The following ARHGAP21 variants were observed in gnomAD, a reference collection of about 807,000 sequenced individuals.
ARHGAP21 encodes rho GTPase-activating protein 21.
A neutral mutation model predicts 164.6 loss-of-function variants in ARHGAP21; 38 were observed. The observed-to-expected ratio is 0.23, with a 90% CI of 0.18 to 0.30. The LOEUF (loss-of-function observed/expected upper bound fraction) is 0.30, where lower values mean the gene tolerates loss of function less well. Ranked by LOEUF, ARHGAP21 falls within the 10% of genes least tolerant of loss-of-function variation. ARHGAP21 has a pLI of 1.00. For missense variants in ARHGAP21, 1,822 were observed against 2,370.7 expected (o/e 0.77, Z 4.81); for synonymous variants, 766 against 857.9 (o/e 0.89, Z 1.87).
chr10:24,681,866 T>C (rs951003317), intron 2 of ARHGAP21, among the ~76,000 whole-genome samples: 1 of 152,160 alleles, frequency 6.6e-6, no homozygotes, highest in African/African-American at 2.4e-5. Flanking sequence ...GGCTCGTTTT[T>C]TCTTTTGTAA....
chr10:24,606,182 T>C (rs1163803192), intron 11 of ARHGAP21, among the ~76,000 whole-genome samples: 1 of 152,102 alleles, frequency 6.6e-6, no homozygotes, highest in East Asian at 1.9e-4. Flanking sequence ...ACAATATGAC[T>C]CAAAATTCAA....
At position 24,647,129 on chromosome 10, in the gene ARHGAP21, G is replaced by A. The variant is rs973136604; in HGVS notation, c.269-12026C>T. 3.9e-5 allele frequency among the ~76,000 whole-genome samples: 6 copies of A among 152,154 alleles called. No individual in the cohort carries two copies. The South Asian group carries it at 1.2e-3, about 32-fold the overall frequency. On this transcript the variant is annotated intron_variant, in intron 4 of 25. Coordinates refer to ENST00000396432, the MANE Select transcript of ARHGAP21 (RefSeq NM_020824.4). Reference sequence around the variant, plus strand: ...TTAAATTTCATTTATTTTCTTGGCTGCCAAATTAACTTCATGCACTGTTTT... The same window carrying A: ...TTAAATTTCATTTATTTTCTTGGCTACCAAATTAACTTCATGCACTGTTTT...
intron 13 of ARHGAP21, among the ~76,000 whole-genome samples, chr10:24,601,517 G>A (rs1263571333): frequency 2.6e-5 from 4 of 151,860 alleles, no homozygotes; most frequent in Non-Finnish European, 5.9e-5. Context: ...GAAATCTACT[G>A]GATGCATATA....
chr10:24,706,363 G>A (rs1844225358), intron 2 of ARHGAP21: 1 of 151,618 alleles, frequency 6.6e-6, no homozygotes, highest in South Asian at 2.1e-4. Flanking sequence ...CATTAAACAG[G>A]TATTTTGACA....
chr10:24,610,705 A>G (rs538166599), intron 9 of ARHGAP21, among the ~76,000 whole-genome samples: 1 of 152,300 alleles, frequency 6.6e-6, no homozygotes, highest in South Asian at 2.1e-4. Flanking sequence ...TTATCAATTA[A>G]TATTTTAGAA....
At chr10:24,629,790 A>G (rs1159391297) in intron 7 of ARHGAP21, 5 of 631,630 alleles carry the variant, frequency 7.9e-6, no homozygotes, top group East Asian at 6.5e-5. Flanking sequence ...TAGAATCAAC[A>G]TAACATTTCC....
intron 7 of ARHGAP21, among the ~76,000 whole-genome samples, chr10:24,628,055 T>C (rs983062065): frequency 2.6e-5 from 4 of 152,218 alleles, no homozygotes; most frequent in African/African-American, 7.2e-5. Context: ...TTCGCTACCA[T>C]ATACACCATC....
intron 2 of ARHGAP21, among the ~76,000 whole-genome samples, chr10:24,687,270 T>C (rs558576653): frequency 5.3e-5 from 8 of 152,294 alleles, no homozygotes; most frequent in African/African-American, 1.9e-4. Context: ...TCTATCTCTT[T>C]AATCACAGAG....
intron 4 of ARHGAP21, among the ~76,000 whole-genome samples, chr10:24,658,284 A>G (rs1357560919): frequency 6.6e-6 from 1 of 152,230 alleles, no homozygotes; most frequent in Non-Finnish European, 1.5e-5. Flanking sequence ...TTAAGGATCT[A>G]GAACTAGAAA....
rs1301725041 is a variant in ARHGAP21, at chr10:24,584,891, G to A, written c.5398C>T (p.Arg1800Cys). 3 of 1,613,822 alleles carry A rather than the reference G, an allele frequency of 1.9e-6. No individual in the cohort carries two copies. The highest frequency in any genetic ancestry group is 2.5e-6 in the Non-Finnish European group (3 of 1,179,852). The change falls in exon 26 of 26, where the codon CGC becomes TGC. Residue 1800 changes from arginine (R) to cysteine (C), a missense_variant. By Grantham distance (180) the Arg-to-Cys change is radical. Coordinates refer to ENST00000396432, the MANE Select transcript of ARHGAP21 (RefSeq NM_020824.4). ...CTGTGCCCTCCTAGTGTATGTCTGC[G>A]CCGGATGCTTTTCCTTTTAGCAGTC... ...AETAKRKSIRRRHTLGGHRDA... is the reference protein window; with the variant it reads ...AETAKRKSIRCRHTLGGHRDA...
intron 11 of ARHGAP21, among the ~76,000 whole-genome samples, chr10:24,604,800 G>T (rs1209431577): frequency 2.0e-5 from 3 of 152,086 alleles, no homozygotes; most frequent in Non-Finnish European, 4.4e-5. Flanking sequence ...TGGAAATGTG[G>T]CAGGGAGGGC....
intron 21 of ARHGAP21, among the ~76,000 whole-genome samples, chr10:24,592,872 G>A (rs1321657343): frequency 2.0e-5 from 3 of 152,158 alleles, no homozygotes; most frequent in Non-Finnish European, 4.4e-5. Context: ...AACACCCAGT[G>A]TCTGGAAATA....
At chr10:24,633,795 G>A (rs189822488) in intron 5 of ARHGAP21, among the ~76,000 whole-genome samples, 1 of 151,752 alleles carries the variant, frequency 6.6e-6, no homozygotes, top group Admixed American at 6.6e-5. Flanking sequence ...AGTTACCAGG[G>A]GACCAGAGCT....
At chr10:24,661,483 A>C (rs941300812) in intron 4 of ARHGAP21, among the ~76,000 whole-genome samples, 1 of 152,208 alleles carries the variant, frequency 6.6e-6, no homozygotes, top group African/African-American at 2.4e-5. Flanking sequence ...AGATTTCACT[A>C]AACTGCCAAA....
intron 4 of ARHGAP21, among the ~76,000 whole-genome samples, chr10:24,647,447 G>A (rs961469846): frequency 6.6e-6 from 1 of 152,186 alleles, no homozygotes; most frequent in Non-Finnish European, 1.5e-5. Flanking sequence ...AGTGTCACTG[G>A]CACTTTGTGT....
chr10:24,664,494 G>A (rs1176730150), intron 4 of ARHGAP21, among the ~76,000 whole-genome samples: 1 of 151,148 alleles, frequency 6.6e-6, no homozygotes, highest in Non-Finnish European at 1.5e-5. Context: ...AGGAGGAGGT[G>A]GCATTGAGCC....
intron 7 of ARHGAP21, chr10:24,629,708 T>C: frequency 2.5e-6 from 1 of 395,972 alleles, no homozygotes; most frequent in Non-Finnish European, 4.9e-6. Flanking sequence ...GGTCCAAGGA[T>C]GAACTAGAAG....
chr10:24,640,688 T>C (rs1836913417), intron 4 of ARHGAP21, among the ~76,000 whole-genome samples: 2 of 151,990 alleles, frequency 1.3e-5, no homozygotes, highest in South Asian at 4.1e-4. Flanking sequence ...AGATAAAAAA[T>C]AACTGAAACC....
At chr10:24,602,332 G>T (rs114975951) in intron 12 of ARHGAP21, among the ~76,000 whole-genome samples, 1,913 of 152,122 alleles carry the variant, frequency 0.013, 6 homozygotes, top group Admixed American at 0.024. Flanking sequence ...GTTCTTATTA[G>T]TTCACATTTT....
Sources: allele counts gnomAD v4.1 joint callset (sites outside exome capture counted in the v4.1 genomes callset), GRCh38; gene constraint gnomAD v4.1.1; transcripts MANE v1.5; gene names NCBI Gene and HGNC (gene_info 2026-07-23, HGNC 2026-07-21).